ARL3: variants seen among roughly 807,000 people sequenced by gnomAD.
The protein encoded by ARL3 is ARF like GTPase 3, also known as ADP-ribosylation factor-like protein 3.
Under a neutral mutation model 26.0 loss-of-function variants are expected in ARL3, and 9 were observed. The observed-to-expected ratio is 0.35, with a 90% CI of 0.21 to 0.60. ARL3 has a LOEUF of 0.60. Ranked by LOEUF, ARL3 falls within the 20% of genes least tolerant of loss-of-function variation. The probability of loss-of-function intolerance (pLI) is 0.78; values close to 1 mark genes in which losing one functional copy is unlikely to be tolerated. For synonymous variants in ARL3, 71 were observed against 78.4 expected (o/e 0.91, Z 0.50); for missense variants, 158 against 215.7 (o/e 0.73, Z 1.67).
chr10:102,708,100 G>A (rs932320239), intron 1 of ARL3, among the ~76,000 whole-genome samples: 1 of 151,980 alleles, frequency 6.6e-6, no homozygotes, highest in Admixed American at 6.6e-5. Flanking sequence ...TTTTTGTAGA[G>A]ATGGGGTTTT....
chr10:102,691,544 T>C (rs967894511), intron 3 of ARL3, among the ~76,000 whole-genome samples: 2 of 152,324 alleles, frequency 1.3e-5, no homozygotes, highest in East Asian at 1.9e-4. Context: ...GTGAATTTCA[T>C]ATAATTTTCA....
At chr10:102,698,016 G>A (rs1388076235) in intron 3 of ARL3, among the ~76,000 whole-genome samples, 1 of 152,114 alleles carries the variant, frequency 6.6e-6, no homozygotes, top group African/African-American at 2.4e-5. Context: ...ATAAAGGGAG[G>A]CTGAGGAATG....
intron 5 of ARL3, among the ~76,000 whole-genome samples, chr10:102,684,022 T>G (rs1333103460): frequency 6.6e-6 from 1 of 152,190 alleles, no homozygotes; most frequent in Non-Finnish European, 1.5e-5. Flanking sequence ...AACACTCTGG[T>G]CAAGCAAAAG....
At chr10:102,700,421 A>AAAAAAAAAGG in intron 2 of ARL3, among the ~76,000 whole-genome samples, 1 of 149,670 alleles carries the variant, frequency 6.7e-6, no homozygotes, top group Non-Finnish European at 1.5e-5. Flanking sequence ...AAAAAAAAAA[A>AAAAAAAAAGG]GTGCTTTCAT....
intron 3 of ARL3, among the ~76,000 whole-genome samples, chr10:102,694,760 C>T (rs913555168): frequency 6.6e-6 from 1 of 152,070 alleles, no homozygotes; most frequent in African/African-American, 2.4e-5. Context: ...CACTTGTTGC[C>T]CAGGCTGGAG....
chr10:102,713,354 T>C (rs1312919160), intron 1 of ARL3, among the ~76,000 whole-genome samples: 1 of 152,190 alleles, frequency 6.6e-6, no homozygotes, highest in Non-Finnish European at 1.5e-5. Context: ...AATTTAGAAT[T>C]TGGGAAAGCT....
At chr10:102,705,930 G>C (rs12765459) in intron 1 of ARL3, among the ~76,000 whole-genome samples, 33,613 of 151,952 alleles carry the variant, frequency 0.22, 4,744 homozygotes, top group Non-Finnish European at 0.31. Flanking sequence ...ACAGACACTA[G>C]ATAACACTTG....
rs149296627 is a variant in ARL3, at chr10:102,695,496, G to T, written c.264+3877C>A. ...GCAGCCTTGGTATGATCACTTATTA[G>T]TTCTAAGTGTTTCCTTGTTGATTTA... On this transcript the variant is annotated intron_variant, in intron 3 of 5. Transcript: ENST00000260746. Among the ~76,000 whole-genome samples, 150 of 152,170 alleles carry T rather than the reference G, an allele frequency of 9.9e-4. 1 individual carries two copies. Among genetic ancestry groups the T allele is most frequent in the African/African-American group, 3.4e-3 (141 of 41,550 alleles).
chr10:102,696,049 C>T (rs2064245440), intron 3 of ARL3, among the ~76,000 whole-genome samples: 2 of 151,880 alleles, frequency 1.3e-5, no homozygotes, highest in Non-Finnish European at 2.9e-5. Context: ...CTGCAAGCTC[C>T]GCCTCCCAGG....
intron 1 of ARL3, among the ~76,000 whole-genome samples, chr10:102,708,908 A>T (rs7911722): frequency 0.35 from 33,209 of 95,732 alleles, 6,368 homozygotes; most frequent in Middle Eastern, 0.43. Flanking sequence ...ATATATATAT[A>T]TTTTTTTTTT....
At chr10:102,698,200 CTTT>C in intron 3 of ARL3, among the ~76,000 whole-genome samples, 1 of 147,568 alleles carries the variant, frequency 6.8e-6, no homozygotes, top group Non-Finnish European at 1.5e-5. Flanking sequence ...AAGATGATTT[CTTT>C]TTTTTTTTCT....
At chr10:102,693,589 CAT>C (rs2064231363) in intron 3 of ARL3, among the ~76,000 whole-genome samples, 2 of 152,164 alleles carry the variant, frequency 1.3e-5, no homozygotes. Context: ...ACTACTTTAA[CAT>C]ATATGTGTTT....
intron 5 of ARL3, among the ~76,000 whole-genome samples, chr10:102,680,722 G>A (rs1470300303): frequency 3.9e-5 from 6 of 152,070 alleles, no homozygotes; most frequent in African/African-American, 1.4e-4. Flanking sequence ...TGGCTGTGTG[G>A]GCCTGGTTTT....
At chr10:102,714,168 C>T in intron 1 of ARL3, 105 bp downstream of exon 1, 2 of 1,242,202 alleles carry the variant, frequency 1.6e-6, no homozygotes, top group Non-Finnish European at 2.1e-6. Flanking sequence ...GGCTGAGCGA[C>T]GTCCCATTCC....
intron 5 of ARL3, among the ~76,000 whole-genome samples, chr10:102,682,587 A>G (rs536549191): frequency 1.3e-5 from 2 of 152,308 alleles, no homozygotes; most frequent in South Asian, 4.2e-4. Context: ...TCCACTAATG[A>G]GAAGTGATGT....
intron 2 of ARL3, among the ~76,000 whole-genome samples, chr10:102,700,770 C>CTTTTTTT (rs34708600): frequency 2.0e-5 from 2 of 98,638 alleles, no homozygotes; most frequent in African/African-American, 3.9e-5. Flanking sequence ...AGCCGGAAGT[C>CTTTTTTT]TTTTTTTTTT....
intron 4 of ARL3, among the ~76,000 whole-genome samples, chr10:102,686,416 T>C (rs1276725739): frequency 2.0e-5 from 3 of 150,342 alleles, no homozygotes; most frequent in African/African-American, 7.3e-5. Flanking sequence ...GTTAAGCTGA[T>C]CAACTAGCAA....
At chr10:102,700,897 C>T (rs1590126225) in intron 2 of ARL3, among the ~76,000 whole-genome samples, 1 of 151,652 alleles carries the variant, frequency 6.6e-6, no homozygotes, top group East Asian at 1.9e-4. Flanking sequence ...GCCACCATGC[C>T]TGGCTAATTT....
chr10:102,682,463 A>G (rs1312125818), intron 5 of ARL3, among the ~76,000 whole-genome samples: 2 of 151,982 alleles, frequency 1.3e-5, no homozygotes, highest in African/African-American at 4.8e-5. Context: ...GGTACTTCCC[A>G]CCCCTGTAAT....
Sources: gnomAD v4.1 joint callset for allele counts (sites outside exome capture counted in the v4.1 genomes callset) on GRCh38, gnomAD v4.1.1 for gene constraint, MANE v1.5 for transcripts, NCBI Gene and HGNC (gene_info 2026-07-23, HGNC 2026-07-21) for gene names.